NMS: variants seen among roughly 807,000 people sequenced by gnomAD.
NMS encodes neuromedin-S.
A neutral mutation model predicts 32.2 loss-of-function variants in NMS; 30 were observed. The ratio of observed to expected loss-of-function variants is 0.93; its 90% CI spans 0.70 to 1.26. The LOEUF (loss-of-function observed/expected upper bound fraction) is 1.26. NMS is among the 50% of genes most tolerant of loss of function. NMS has a pLI of 0.00. For synonymous variants in NMS, 76 were observed against 58.5 expected (o/e 1.30, Z -1.37); for missense variants, 190 against 186.3 (o/e 1.02, Z -0.12).
intron 1 of NMS, among the ~76,000 whole-genome samples, chr2:100,472,280 G>A (rs539538195): frequency 6.6e-6 from 1 of 152,212 alleles, no homozygotes; most frequent in Non-Finnish European, 1.5e-5. Context: ...GTTCATTGAA[G>A]TTAGACAAAA....
rs74941143 is a variant in NMS at position 100,475,210 on chromosome 2, A to G, written c.183+1671A>G. On this transcript the variant is annotated intron_variant, in intron 3 of 9. Coordinates refer to ENST00000376865, the MANE Select transcript of NMS (RefSeq NM_001011717.1). ...TGCCAATATTTAAAGGCATTAATAGAGAAACTGGCTCTTCCTGGCTTGTTG... is the reference window on the plus strand; with the variant it reads ...TGCCAATATTTAAAGGCATTAATAGGGAAACTGGCTCTTCCTGGCTTGTTG... 5.1e-3 allele frequency among the ~76,000 whole-genome samples: 777 copies of G among 152,318 alleles called. 5 individuals are homozygous for G. The highest frequency in any genetic ancestry group is 0.017 in the African/African-American group (723 of 41,566).
intron 3 of NMS, among the ~76,000 whole-genome samples, chr2:100,476,064 C>T (rs7609536): frequency 3.3e-5 from 5 of 150,922 alleles, no homozygotes; most frequent in Admixed American, 1.3e-4. Context: ...AACGTTGAGC[C>T]GGGTATTTAG....
chr2:100,480,899 G>A lies in NMS; in HGVS notation c.373-227G>A, dbSNP rs113120771. On this transcript the variant is annotated intron_variant, in intron 7 of 9. Transcript: ENST00000376865. The stretch of plus-strand genomic sequence containing the variant: ...CAAACACCGGTGGTTCTCAAACGTG[G>A]CCATGCATCAGAGTCACCTGGCTAA... Among the ~76,000 whole-genome samples, 1,146 of 152,182 alleles carry A rather than the reference G, an allele frequency of 7.5e-3. 5 individuals are homozygous for A. The highest frequency in any genetic ancestry group is 0.01 in the Non-Finnish European group (695 of 68,004).
intron 3 of NMS, among the ~76,000 whole-genome samples, chr2:100,476,740 G>A (rs1160922524): frequency 2.0e-5 from 3 of 152,132 alleles, no homozygotes; most frequent in African/African-American, 2.4e-5. Flanking sequence ...CATCATCTAC[G>A]CAAGCCAGGG....
intron 5 of NMS, 152 bp downstream of exon 5, chr2:100,477,566 A>G (rs1461451707): frequency 1.8e-5 from 11 of 610,902 alleles, no homozygotes; most frequent in Non-Finnish European, 2.9e-5. Context: ...CTGGGGCTGC[A>G]GGGATTCTCT....
At chr2:100,479,128 A>G (rs890618961) in intron 5 of NMS, among the ~76,000 whole-genome samples, 9 of 152,212 alleles carry the variant, frequency 5.9e-5, no homozygotes, top group Non-Finnish European at 1.5e-5. Context: ...CCCTAAGGGA[A>G]TATTTTTAAG....
chr2:100,483,221 T>G, intron 9 of NMS, 31 bp from the exon 10 acceptor site: 1 of 1,604,560 alleles, frequency 6.2e-7, no homozygotes, highest in East Asian at 2.2e-5. Context: ...TGATTTGAAC[T>G]GAGCAGTGCA....
chr2:100,482,409 A>G, intron 9 of NMS, 98 bp downstream of exon 9: 1 of 1,160,070 alleles, frequency 8.6e-7, no homozygotes. Context: ...GGGGAGGACC[A>G]TTGTTCAAGA....
chr2:100,477,155 G>C, intron 3 of NMS, 89 bp from the exon 4 acceptor site: 1 of 1,060,776 alleles, frequency 9.4e-7, no homozygotes. Context: ...AATCCACTAA[G>C]GTCCATGGTG....
chr2:100,479,835 T>G (rs930915644), intron 6 of NMS, among the ~76,000 whole-genome samples: 6 of 152,252 alleles, frequency 3.9e-5, no homozygotes, highest in African/African-American at 1.4e-4. Context: ...GCTTTCTTCT[T>G]TCATTTTTAT....
intron 1 of NMS, among the ~76,000 whole-genome samples, chr2:100,472,207 A>G (rs146600226): frequency 6.6e-6 from 1 of 152,296 alleles, no homozygotes; most frequent in East Asian, 1.9e-4. Context: ...TATCCAATTG[A>G]TTCTTTCGAC....
intron 3 of NMS, among the ~76,000 whole-genome samples, chr2:100,475,672 G>A (rs1334701271): frequency 6.6e-6 from 1 of 152,106 alleles, no homozygotes; most frequent in African/African-American, 2.4e-5. Flanking sequence ...AAACAACATA[G>A]ATCAGTAAAC....
At chr2:100,479,465 T>G (rs1220408501) in intron 6 of NMS, 38 bp downstream of exon 6, 17 of 1,536,858 alleles carry the variant, frequency 1.1e-5, no homozygotes, top group Non-Finnish European at 1.4e-5. Flanking sequence ...TTTATGCCCC[T>G]CACAGTTCAT....
At chr2:100,480,662 C>T (rs1465801359) in intron 7 of NMS, 131 bp downstream of exon 7, 2 of 846,876 alleles carry the variant, frequency 2.4e-6, no homozygotes, top group Admixed American at 2.7e-5. Flanking sequence ...CCAAAGGACC[C>T]TGAGAATCTT....
rs1318243251 is a variant in NMS at position 100,477,413 on chromosome 2, G to GT, written c.260_261insT (p.Phe88ValfsTer59). 2 of 1,610,080 alleles carry GT rather than the reference G, an allele frequency of 1.2e-6. No individual in the cohort carries two copies. The highest frequency in any genetic ancestry group is 1.7e-6 in the Non-Finnish European group (2 of 1,176,682). On this transcript the variant is annotated frameshift_variant and splice_region_variant, in exon 5 of 10. Transcript: ENST00000376865. LOFTEE classifies it high-confidence loss of function. ...GAGGCAACACATCCAGTTAAAACTG[G>GT]GGTCAGTATTTTATTATAATCATCT...
intron 1 of NMS, 86 bp downstream of exon 1, chr2:100,470,650 G>A: frequency 9.4e-7 from 1 of 1,060,992 alleles, no homozygotes; most frequent in Admixed American, 1.7e-5. Context: ...AGCTCTGGAG[G>A]GAGTCAAGCT....
At chr2:100,482,011 A>C (rs879462941) in intron 8 of NMS, among the ~76,000 whole-genome samples, 3 of 152,188 alleles carry the variant, frequency 2.0e-5, no homozygotes, top group African/African-American at 7.2e-5. Context: ...ACCTCCCACC[A>C]CATAAGCAAA....
At chr2:100,482,861 C>T (rs934678282) in intron 9 of NMS, among the ~76,000 whole-genome samples, 5 of 152,184 alleles carry the variant, frequency 3.3e-5, no homozygotes, top group East Asian at 3.9e-4. Flanking sequence ...AGGGCAGCTC[C>T]GGGCCTCCTC....
rs542951661 is a variant in NMS at position 100,477,028 on chromosome 2, C to T, written c.184-216C>T. Among the ~76,000 whole-genome samples the T allele has an allele frequency of 7.2e-5, 11 of 152,268 alleles. No homozygotes were observed. The East Asian group carries it at 1.5e-3, about 21-fold the overall frequency. ...AAGATGAAATGAGATTATATTTTCA[C>T]ATGATGATGTATTGCTGGCAATTTT... On this transcript the variant is annotated intron_variant, in intron 3 of 9. Coordinates refer to ENST00000376865, the MANE Select transcript of NMS (RefSeq NM_001011717.1).
Sources: gnomAD v4.1 joint callset for allele counts (sites outside exome capture counted in the v4.1 genomes callset) on GRCh38, gnomAD v4.1.1 for gene constraint, MANE v1.5 for transcripts, NCBI Gene and HGNC (gene_info 2026-07-23, HGNC 2026-07-21) for gene names.